Variants in CTNND2 observed in about 807,000 individuals in gnomAD.
The protein encoded by CTNND2 is catenin delta-2.
A neutral mutation model predicts 144.4 loss-of-function variants in CTNND2; 22 were observed. The ratio of observed to expected loss-of-function variants is 0.15; its 90% CI spans 0.11 to 0.22. CTNND2 has a LOEUF of 0.22. Among genes scored for constraint, CTNND2 ranks in the 10% least tolerant of loss-of-function variants. The pLI is 1.00. For missense variants in CTNND2, 1,353 were observed against 1,618.8 expected, an observed-to-expected ratio of 0.84 and a Z score of 2.82; for synonymous variants, 751 against 695.6, an observed-to-expected ratio of 1.08 and a Z score of -1.25.
At chr5:11,832,798 G>A (rs1406887588) in intron 1 of CTNND2, among the ~76,000 whole-genome samples, 1 of 152,042 alleles carries the variant, frequency 6.6e-6, no homozygotes, top group Admixed American at 6.6e-5. Flanking sequence ...AAAATTAGTG[G>A]GTCATGGTGG....
At chr5:11,437,838 CT>C (rs373758041) in intron 3 of CTNND2, among the ~76,000 whole-genome samples, 506 of 152,284 alleles carry the variant, frequency 3.3e-3, no homozygotes, top group African/African-American at 0.012. Flanking sequence ...GGGTACTAGG[CT>C]GTCCTGCTTA....
chr5:11,682,640 C>A (rs1581714746), intron 2 of CTNND2, among the ~76,000 whole-genome samples: 1 of 152,048 alleles, frequency 6.6e-6, no homozygotes, highest in South Asian at 2.1e-4. Flanking sequence ...TTTCATGATA[C>A]ATGGAAGGTG....
At chr5:11,041,955 C>A (rs1243399309) in intron 16 of CTNND2, among the ~76,000 whole-genome samples, 1 of 152,154 alleles carries the variant, frequency 6.6e-6, no homozygotes, top group Non-Finnish European at 1.5e-5. Flanking sequence ...AGGCTCTGAG[C>A]AGACCAACAG....
chr5:11,128,792 A>C (rs1480997557), intron 12 of CTNND2, among the ~76,000 whole-genome samples: 19 of 36,566 alleles, frequency 5.2e-4, no homozygotes, highest in African/African-American at 2.0e-3. Context: ...ATATAAATAT[A>C]TATTATATAT....
rs532868902 is a variant in CTNND2 at position 11,200,630 on chromosome 5, G to C, written c.1762-969C>G. ...CTCATTCATGTCACAGATGTGCTGG[G>C]ACACCTGGCTACATCCCCAGCCTCT... is the stretch of plus-strand genomic sequence containing the variant. On this transcript the variant is annotated intron_variant, in intron 10 of 21. Coordinates refer to ENST00000304623, the MANE Select transcript of CTNND2 (RefSeq NM_001332.4). Among the ~76,000 whole-genome samples the C allele has an allele frequency of 2.6e-5, 4 of 152,112 alleles. No individual in the cohort carries two copies. The South Asian group carries it at 8.3e-4, about 32-fold the overall frequency.
At chr5:11,715,288 G>A (rs1279492769) in intron 2 of CTNND2, among the ~76,000 whole-genome samples, 2 of 152,068 alleles carry the variant, frequency 1.3e-5, no homozygotes, top group Admixed American at 6.5e-5. Context: ...TTGAAATCAC[G>A]AAGCATTACA....
intron 2 of CTNND2, among the ~76,000 whole-genome samples, chr5:11,715,358 A>C (rs1456513372): frequency 6.6e-6 from 1 of 152,212 alleles, no homozygotes; most frequent in Non-Finnish European, 1.5e-5. Context: ...AAACAAAGGA[A>C]AACACACAAA....
At chr5:11,257,994 A>AAG (rs2045750891) in intron 9 of CTNND2, among the ~76,000 whole-genome samples, 1 of 152,160 alleles carries the variant, frequency 6.6e-6, no homozygotes, top group South Asian at 2.1e-4. Flanking sequence ...CAGCGCTTTC[A>AAG]GTTCATTGTA....
intron 2 of CTNND2, among the ~76,000 whole-genome samples, chr5:11,569,807 A>G (rs1395661761): frequency 6.6e-6 from 1 of 152,168 alleles, no homozygotes; most frequent in East Asian, 1.9e-4. Flanking sequence ...TTGAAATGCT[A>G]TCCCTCAAGA....
intron 12 of CTNND2, among the ~76,000 whole-genome samples, chr5:11,140,847 A>G (rs1447647342): frequency 6.6e-6 from 1 of 152,252 alleles, no homozygotes; most frequent in Non-Finnish European, 1.5e-5. Flanking sequence ...ATAAATATAT[A>G]TGGAGAATAA....
intron 2 of CTNND2, among the ~76,000 whole-genome samples, chr5:11,728,321 T>C (rs1027332666): frequency 2.1e-5 from 3 of 146,128 alleles, no homozygotes; most frequent in Non-Finnish European, 3.0e-5. Flanking sequence ...AAAAAAAAAA[T>C]AGCCAGGCGT....
chr5:11,075,837 G>A (rs923199116), intron 16 of CTNND2, among the ~76,000 whole-genome samples: 5 of 152,354 alleles, frequency 3.3e-5, no homozygotes, highest in South Asian at 2.1e-4. Context: ...GAGCATCTAA[G>A]CTTTATTTCT....
chr5:11,243,907 A>C (rs893740503), intron 9 of CTNND2, among the ~76,000 whole-genome samples: 9 of 152,228 alleles, frequency 5.9e-5, no homozygotes, highest in Admixed American at 2.0e-4. Context: ...GACATGGCTC[A>C]CTTTGATTGC....
intron 11 of CTNND2, among the ~76,000 whole-genome samples, chr5:11,185,182 C>T (rs1335456566): frequency 1.3e-5 from 2 of 152,224 alleles, no homozygotes; most frequent in African/African-American, 4.8e-5. Context: ...ATGTTGCTTT[C>T]TTCATAAAGT....
At position 11,656,870 on chromosome 5, in the gene CTNND2, G is replaced by C. The variant is rs916715304; in HGVS notation, c.174+75266C>G. On this transcript the variant is annotated intron_variant, in intron 2 of 21. Coordinates refer to ENST00000304623, the MANE Select transcript of CTNND2 (RefSeq NM_001332.4). The stretch of plus-strand genomic sequence containing the variant: ...CAGTGTCTTCTTACAATCACTTTCG[G>C]CCAGATGGTGGCCATGGCAGAATTC... Among the ~76,000 whole-genome samples the C allele has an allele frequency of 4.6e-5, 7 of 152,162 alleles. No individual in the cohort carries two copies. The South Asian group carries it at 6.2e-4, about 14-fold the overall frequency.
chr5:11,294,956 A>G (rs1748749890), intron 9 of CTNND2, among the ~76,000 whole-genome samples: 1 of 152,208 alleles, frequency 6.6e-6, no homozygotes, highest in African/African-American at 2.4e-5. Context: ...ACTCCTATTC[A>G]ACATAGTGTT....
intron 18 of CTNND2, among the ~76,000 whole-genome samples, chr5:11,006,889 G>C (rs1740545235): frequency 6.6e-6 from 1 of 152,134 alleles, no homozygotes; most frequent in African/African-American, 2.4e-5. Flanking sequence ...AGAGGATGAA[G>C]AAACAGGAGG....
At chr5:11,296,596 A>T (rs1340170567) in intron 9 of CTNND2, among the ~76,000 whole-genome samples, 2 of 152,218 alleles carry the variant, frequency 1.3e-5, no homozygotes, top group African/African-American at 4.8e-5. Flanking sequence ...ATGTCCAACA[A>T]TGATAGACTG....
chr5:11,615,506 T>C (rs1357242781), intron 2 of CTNND2, among the ~76,000 whole-genome samples: 1 of 152,184 alleles, frequency 6.6e-6, no homozygotes, highest in East Asian at 1.9e-4. Context: ...ATGATGGAGA[T>C]AGATAATCTT....
Sources: gnomAD v4.1 joint callset for allele counts (sites outside exome capture counted in the v4.1 genomes callset) on GRCh38, gnomAD v4.1.1 for gene constraint, MANE v1.5 for transcripts, NCBI Gene and HGNC (gene_info 2026-07-23, HGNC 2026-07-21) for gene names.